DCC: variants seen among roughly 807,000 people sequenced by gnomAD.
DCC encodes the protein DCC netrin 1 receptor.
In DCC, 58 loss-of-function variants were observed where a neutral mutation model predicts 172.5. The ratio of observed to expected loss-of-function variants is 0.34; its 90% CI spans 0.27 to 0.42. The LOEUF (loss-of-function observed/expected upper bound fraction) is 0.42, where lower values mean the gene tolerates loss of function less well. DCC is among the 10% of genes least tolerant of loss of function. The probability of loss-of-function intolerance (pLI) is 1.00; values close to 1 mark genes in which losing one functional copy is unlikely to be tolerated. For synonymous variants in DCC, 709 were observed against 644.5 expected, an observed-to-expected ratio of 1.10 and a Z score of -1.52; for missense variants, 1,740 against 1,791.0, an observed-to-expected ratio of 0.97 and a Z score of 0.51.
At chr18:52,645,221 T>C (rs144103230) in intron 1 of DCC, among the ~76,000 whole-genome samples, 242 of 152,246 alleles carry the variant, frequency 1.6e-3, no homozygotes, top group African/African-American at 5.5e-3. Context: ...ATTATAACCT[T>C]GAGTAGTTCA....
intron 15 of DCC, among the ~76,000 whole-genome samples, chr18:53,355,821 G>A (rs1436238046): frequency 2.0e-5 from 3 of 151,988 alleles, no homozygotes; most frequent in Non-Finnish European, 4.4e-5. Flanking sequence ...CACATAATAT[G>A]ATTTTTATTT....
chr18:53,411,903 CTAGA>C (rs1195157295), intron 20 of DCC, among the ~76,000 whole-genome samples: 3 of 152,116 alleles, frequency 2.0e-5, no homozygotes, highest in South Asian at 2.1e-4. Context: ...TGAAATGTAA[CTAGA>C]TAGTGTTTTG....
At chr18:52,527,188 A>T (rs568399374) in intron 1 of DCC, among the ~76,000 whole-genome samples, 3 of 152,374 alleles carry the variant, frequency 2.0e-5, no homozygotes, top group Admixed American at 6.5e-5. Flanking sequence ...AGGGGATATC[A>T]TGTCATAAGA....
intron 19 of DCC, among the ~76,000 whole-genome samples, chr18:53,404,371 T>G (rs1372630052): frequency 6.7e-6 from 1 of 150,030 alleles, no homozygotes; most frequent in Non-Finnish European, 1.5e-5. Flanking sequence ...AGTTTTTAAC[T>G]CTGGAAGAAA....
chr18:52,703,445 C>T (rs145862320), intron 1 of DCC, among the ~76,000 whole-genome samples: 11 of 152,222 alleles, frequency 7.2e-5, no homozygotes, highest in East Asian at 3.9e-4. Flanking sequence ...GCTACCTTTA[C>T]GACATTTGAC....
chr18:53,072,167 A>C (rs1470876152), intron 7 of DCC, among the ~76,000 whole-genome samples: 1 of 152,126 alleles, frequency 6.6e-6, no homozygotes, highest in African/African-American at 2.4e-5. Flanking sequence ...CTGTGTTACA[A>C]GAATAAGAAG....
At position 52,357,936 on chromosome 18, in the gene DCC, TA is replaced by T. The variant is rs59238295; in HGVS notation, c.91+17078del. On this transcript the variant is annotated intron_variant, in intron 1 of 28. Transcript: ENST00000442544. ...CTGGGCGACAGAGCGAGACTCTGTG[TA>T]AAAAAAAAAAAAAAAAAAATCTGAC... 5.7e-3 allele frequency among the ~76,000 whole-genome samples: 698 copies of T among 123,386 alleles called. 7 individuals carry two copies. Among genetic ancestry groups the T allele is most frequent in the African/African-American group, 0.014 (443 of 32,298 alleles). 80.9% of individuals were successfully genotyped at this position (123,386 alleles called of 152,430 possible).
intron 1 of DCC, among the ~76,000 whole-genome samples, chr18:52,468,590 A>T (rs1988856160): frequency 6.6e-6 from 1 of 152,232 alleles, no homozygotes; most frequent in Non-Finnish European, 1.5e-5. Flanking sequence ...AATAGTTAAT[A>T]TGTTTAGCAA....
chr18:52,788,051 C>G (rs531505413), intron 2 of DCC, among the ~76,000 whole-genome samples: 1 of 152,218 alleles, frequency 6.6e-6, no homozygotes, highest in Non-Finnish European at 1.5e-5. Flanking sequence ...GCTTTTATTT[C>G]AATGCTCAAT....
chr18:52,883,414 T>G (rs1443719095), intron 2 of DCC, among the ~76,000 whole-genome samples: 1 of 150,780 alleles, frequency 6.6e-6, no homozygotes, highest in East Asian at 1.9e-4. Flanking sequence ...TGTCTTCCTT[T>G]TAGTGAAGGT....
chr18:53,279,965 T>TA lies in DCC; in HGVS notation c.1912-25604dup, dbSNP rs983849646. Among the ~76,000 whole-genome samples, 171 of 151,202 alleles carry TA rather than the reference T, an allele frequency of 1.1e-3. 2 individuals are homozygous for TA. The highest frequency in any genetic ancestry group is 3.7e-3 in the African/African-American group (152 of 41,264). ...GTGGAAGGTAGGAGGAGGGAGATAG[T>TA]AAAAAAAAACTACCGTTGAGCACTA... On this transcript the variant is annotated intron_variant, in intron 12 of 28. Coordinates refer to ENST00000442544, the MANE Select transcript of DCC (RefSeq NM_005215.4).
chr18:53,381,183 A>G (rs1036945899), intron 15 of DCC, among the ~76,000 whole-genome samples: 10 of 56,788 alleles, frequency 1.8e-4, no homozygotes, highest in African/African-American at 5.1e-4. Context: ...TACAATGAGA[A>G]TCTTGTATTC....
At chr18:52,773,935 G>A (rs1427066683) in intron 2 of DCC, among the ~76,000 whole-genome samples, 1 of 152,216 alleles carries the variant, frequency 6.6e-6, no homozygotes. Context: ...AATCAAGGCT[G>A]TTGAAGCTGC....
At chr18:53,374,058 G>A (rs1450528653) in intron 15 of DCC, among the ~76,000 whole-genome samples, 2 of 152,192 alleles carry the variant, frequency 1.3e-5, no homozygotes, top group Non-Finnish European at 2.9e-5. Flanking sequence ...AGCAACTACA[G>A]CAATGCCATG....
At chr18:53,118,322 G>A (rs139923528) in intron 7 of DCC, among the ~76,000 whole-genome samples, 51 of 151,688 alleles carry the variant, frequency 3.4e-4, no homozygotes, top group African/African-American at 8.7e-4. Flanking sequence ...TACTACCTTC[G>A]TCAAATAATA....
chr18:52,640,293 C>T (rs1205989403), intron 1 of DCC, among the ~76,000 whole-genome samples: 4 of 152,016 alleles, frequency 2.6e-5, no homozygotes, highest in African/African-American at 4.8e-5. Context: ...CCTCTGAGAA[C>T]TGGAACAAGA....
intron 2 of DCC, among the ~76,000 whole-genome samples, chr18:52,827,469 A>G (rs774059932): frequency 5.3e-5 from 8 of 152,254 alleles, no homozygotes; most frequent in Non-Finnish European, 1.0e-4. Flanking sequence ...GAGTCTTGTC[A>G]ACCTTGATAA....
chr18:53,291,141 C>G (rs991888395), intron 12 of DCC, among the ~76,000 whole-genome samples: 1 of 151,270 alleles, frequency 6.6e-6, no homozygotes, highest in South Asian at 2.1e-4. Flanking sequence ...GCATTCCAGG[C>G]TGGGTGACAG....
intron 1 of DCC, among the ~76,000 whole-genome samples, chr18:52,343,931 G>A (rs139776160): frequency 5.5e-5 from 4 of 72,180 alleles, no homozygotes; most frequent in South Asian, 1.1e-3. Context: ...TGTGAGTGCC[G>A]CAGTATAAAT....
Sources: gnomAD v4.1 joint callset for allele counts (sites outside exome capture counted in the v4.1 genomes callset) on GRCh38, gnomAD v4.1.1 for gene constraint, MANE v1.5 for transcripts, NCBI Gene and HGNC (gene_info 2026-07-23, HGNC 2026-07-21) for gene names.